TLK2: variants seen among roughly 807,000 people sequenced by gnomAD.
TLK2 encodes tousled like kinase 2.
Under a neutral mutation model 117.3 loss-of-function variants are expected in TLK2, and 6 were observed. The observed-to-expected ratio is 0.05, with a 90% CI of 0.03 to 0.10. The LOEUF (loss-of-function observed/expected upper bound fraction) is 0.10, where lower values mean the gene tolerates loss of function less well. TLK2 is among the 10% of genes least tolerant of loss of function. TLK2 has a pLI of 1.00. For synonymous variants in TLK2, 257 were observed against 316.7 expected (o/e 0.81, Z 2.00); for missense variants, 299 against 901.2 (o/e 0.33, Z 8.56).
At chr17:62,556,189 A>T (rs1215910286) in intron 9 of TLK2, among the ~76,000 whole-genome samples, 13 of 152,192 alleles carry the variant, frequency 8.5e-5, no homozygotes, top group Non-Finnish European at 2.9e-5. Context: ...TGCTGGGATT[A>T]CAGGCGTGAG....
chr17:62,500,759 C>T (rs900628688), intron 2 of TLK2, among the ~76,000 whole-genome samples: 50 of 152,134 alleles, frequency 3.3e-4, no homozygotes, highest in South Asian at 1.2e-3. Context: ...TGTGTAGTGT[C>T]TACTCTGACT....
intron 11 of TLK2, among the ~76,000 whole-genome samples, chr17:62,572,176 C>CAAA (rs111925931): frequency 3.7e-5 from 2 of 54,574 alleles, no homozygotes; most frequent in African/African-American, 1.3e-4. Context: ...GGCTCTGTCT[C>CAAA]AAAAAAAAAA....
intron 2 of TLK2, among the ~76,000 whole-genome samples, chr17:62,504,834 T>C (rs1262061360): frequency 5.3e-5 from 8 of 151,986 alleles, no homozygotes; most frequent in Admixed American, 5.3e-4. Context: ...ATAGTGCTAA[T>C]TTTGAGTCTA....
chr17:62,586,101 C>G, intron 15 of TLK2, 34 bp from the exon 16 acceptor site: 1 of 1,532,178 alleles, frequency 6.5e-7, no homozygotes. Flanking sequence ...TTTTTCTTAA[C>G]ATTTACCCAG....
intron 4 of TLK2, among the ~76,000 whole-genome samples, 194 bp downstream of exon 4, chr17:62,522,467 C>T (rs529887738): frequency 6.6e-5 from 10 of 152,314 alleles, no homozygotes; most frequent in African/African-American, 1.2e-4. Context: ...GTTAGTTCTT[C>T]GGGGACTCTT....
chr17:62,580,255 G>A, intron 15 of TLK2, 63 bp downstream of exon 15: 1 of 1,210,542 alleles, frequency 8.3e-7, no homozygotes, highest in Non-Finnish European at 1.2e-6. Flanking sequence ...CCAACTTGGA[G>A]AACATTAAGA....
intron 9 of TLK2, among the ~76,000 whole-genome samples, chr17:62,557,392 A>G (rs917969316): frequency 1.3e-5 from 2 of 151,970 alleles, no homozygotes; most frequent in South Asian, 2.1e-4. Flanking sequence ...TTTGATTTCT[A>G]TGGGTGATCA....
intron 17 of TLK2, among the ~76,000 whole-genome samples, chr17:62,598,153 A>G (rs2082616560): frequency 6.6e-6 from 1 of 152,148 alleles, no homozygotes. Context: ...GAATTTTTTT[A>G]AAAAGATCTA....
intron 2 of TLK2, among the ~76,000 whole-genome samples, chr17:62,483,426 C>T (rs2071933040): frequency 6.6e-6 from 1 of 152,178 alleles, no homozygotes; most frequent in Non-Finnish European, 1.5e-5. Context: ...AATACAGTAA[C>T]CTATCTGTTT....
Position 62,481,202 on chromosome 17 carries a change from G to A in TLK2, c.77G>A (p.Ser26Asn), listed in dbSNP as rs764310563. ...LEARFTGVGV[S>N]KGPLNSESSN... The stretch of plus-strand genomic sequence containing the variant: ...GCCAGGTTTACTGGAGTAGGTGTTA[G>A]TAAGGTGAGTAAAATGATGATCATG... The change falls in exon 2 of 22, where the codon AGT (serine) becomes AAT (asparagine). Residue 26 changes from serine to asparagine, a missense_variant. Around this residue, in one of 4 missense-constraint regions of TLK2, gnomAD observed 105 missense variants for 218.4 expected, o/e 0.48. Coordinates refer to ENST00000346027, the MANE Select transcript of TLK2 (RefSeq NM_006852.6). 7 of 1,613,726 alleles carry A rather than the reference G, an allele frequency of 4.3e-6. No individual in the cohort carries two copies. In the Admixed American group the frequency reaches 5.0e-5, roughly 12 times the overall value.
At chr17:62,504,935 G>T (rs953245802) in intron 2 of TLK2, among the ~76,000 whole-genome samples, 7 of 151,838 alleles carry the variant, frequency 4.6e-5, no homozygotes, top group African/African-American at 1.5e-4. Flanking sequence ...CCTCCGCCTC[G>T]CAGTTTCAAG....
At chr17:62,586,702 T>G (rs2146911824) in intron 16 of TLK2, among the ~76,000 whole-genome samples, 1 of 151,968 alleles carries the variant, frequency 6.6e-6, no homozygotes, top group African/African-American at 2.4e-5. Flanking sequence ...GCATCTGTAG[T>G]CCCAGCTACT....
intron 2 of TLK2, among the ~76,000 whole-genome samples, chr17:62,486,946 C>CT (rs1307411905): frequency 7.9e-5 from 12 of 152,192 alleles, no homozygotes; most frequent in Admixed American, 2.0e-4. Flanking sequence ...TTTACAATAA[C>CT]TTACACTTGT....
intron 2 of TLK2, among the ~76,000 whole-genome samples, chr17:62,504,331 CCACA>C (rs1346821552): frequency 6.6e-6 from 1 of 152,112 alleles, no homozygotes; most frequent in Non-Finnish European, 1.5e-5. Context: ...CTCTTGAAAT[CCACA>C]GATTTCAAGA....
intron 10 of TLK2, among the ~76,000 whole-genome samples, chr17:62,564,260 G>A (rs771279608): frequency 3.3e-5 from 5 of 152,040 alleles, no homozygotes; most frequent in Non-Finnish European, 7.4e-5. Context: ...AAAATTGGCC[G>A]GGTGTGGTGG....
chr17:62,481,443 T>C (rs2071636700), intron 2 of TLK2, among the ~76,000 whole-genome samples: 1 of 152,086 alleles, frequency 6.6e-6, no homozygotes, highest in African/African-American at 2.4e-5. Flanking sequence ...ATAGGAGAGG[T>C]TTCTCATGGT....
chr17:62,558,644 T>C (rs755923298), intron 9 of TLK2, among the ~76,000 whole-genome samples: 1 of 152,238 alleles, frequency 6.6e-6, no homozygotes, highest in South Asian at 2.1e-4. Context: ...CATTAAATGA[T>C]CTTTGCTTCG....
chr17:62,484,123 A>G (rs1484581143), intron 2 of TLK2, among the ~76,000 whole-genome samples: 1 of 151,350 alleles, frequency 6.6e-6, no homozygotes, highest in African/African-American at 2.4e-5. Flanking sequence ...TGCCCAGCTT[A>G]AGTAGTCGTA....
chr17:62,509,761 CT>C (rs1395809044), intron 2 of TLK2, among the ~76,000 whole-genome samples: 1 of 152,162 alleles, frequency 6.6e-6, no homozygotes, highest in East Asian at 1.9e-4. Context: ...GTAACCTTGT[CT>C]GTTTTTACAC....
Sources: gnomAD v4.1 joint callset for allele counts (sites outside exome capture counted in the v4.1 genomes callset) on GRCh38, gnomAD v4.1.1 for gene constraint, gnomAD v4.1.1 regional missense constraint, MANE v1.5 for transcripts, NCBI Gene and HGNC (gene_info 2026-07-23, HGNC 2026-07-21) for gene names.